CCSER1: variants seen among roughly 807,000 people sequenced by gnomAD.
The protein encoded by CCSER1 is serine-rich coiled-coil domain-containing protein 1.
Under a neutral mutation model 82.0 loss-of-function variants are expected in CCSER1, and 41 were observed. That is an observed-to-expected ratio of 0.50 (90% CI 0.39 to 0.65). CCSER1 has a LOEUF of 0.65. Ranked by LOEUF, CCSER1 falls within the 30% of genes least tolerant of loss-of-function variation. CCSER1 has a pLI of 0.00. For synonymous variants in CCSER1, 414 were observed against 383.9 expected (o/e 1.08, Z -0.92); for missense variants, 1,119 against 1,064.2 (o/e 1.05, Z -0.72).
At chr4:91,176,976 T>G (rs1230454877) in intron 10 of CCSER1, among the ~76,000 whole-genome samples, 2 of 152,208 alleles carry the variant, frequency 1.3e-5, no homozygotes, top group Non-Finnish European at 2.9e-5. Context: ...TAGCTCTTAT[T>G]ATTTTGAGAT....
intron 6 of CCSER1, among the ~76,000 whole-genome samples, chr4:90,701,606 C>T (rs1208420930): frequency 6.6e-6 from 1 of 152,120 alleles, no homozygotes; most frequent in African/African-American, 2.4e-5. Flanking sequence ...ATTGATTCTT[C>T]CTACCCATGA....
At chr4:90,707,240 CTGT>C (rs1349230710) in intron 6 of CCSER1, among the ~76,000 whole-genome samples, 3 of 151,670 alleles carry the variant, frequency 2.0e-5, no homozygotes, top group African/African-American at 7.3e-5. Flanking sequence ...GCTCCTTGAA[CTGT>C]TTTTTTTTTC....
At chr4:91,145,687 T>C (rs1376243938) in intron 10 of CCSER1, among the ~76,000 whole-genome samples, 6 of 152,170 alleles carry the variant, frequency 3.9e-5, no homozygotes, top group Non-Finnish European at 1.5e-5. Context: ...CTGACAAATA[T>C]TTTATTTCTC....
intron 10 of CCSER1, among the ~76,000 whole-genome samples, chr4:91,215,121 A>G (rs1199852760): frequency 6.6e-6 from 1 of 152,160 alleles, no homozygotes; most frequent in Non-Finnish European, 1.5e-5. Context: ...AGTAGATGCC[A>G]TTTATTATGA....
intron 10 of CCSER1, among the ~76,000 whole-genome samples, chr4:91,537,844 C>T (rs1434789511): frequency 6.6e-6 from 1 of 151,490 alleles, no homozygotes; most frequent in Non-Finnish European, 1.5e-5. Context: ...TTCATCCTAT[C>T]AAATTAAAAA....
intron 9 of CCSER1, among the ~76,000 whole-genome samples, chr4:90,981,481 A>G (rs1225585204): frequency 1.3e-5 from 2 of 151,844 alleles, no homozygotes; most frequent in East Asian, 3.9e-4. Context: ...TTAATCCCCA[A>G]AGCAACCATA....
At chr4:90,447,722 A>G (rs1423900357) in intron 4 of CCSER1, among the ~76,000 whole-genome samples, 1 of 152,188 alleles carries the variant, frequency 6.6e-6, no homozygotes, top group Non-Finnish European at 1.5e-5. Context: ...AAAATACCCA[A>G]GTCAAAACAA....
rs757842702 is a variant in CCSER1, at chr4:91,166,176, T to C, written c.2217+80182T>C. 1.1e-4 allele frequency among the ~76,000 whole-genome samples: 16 copies of C among 152,278 alleles called. No homozygotes were observed. The South Asian group carries it at 1.2e-3, about 12-fold the overall frequency. On this transcript the variant is annotated intron_variant, in intron 10 of 10. Coordinates refer to ENST00000509176, the MANE Select transcript of CCSER1 (RefSeq NM_001145065.2). The stretch of plus-strand genomic sequence containing the variant: ...TAATAATTAAATGTAATAATGAAAT[T>C]TGGTTGTATCTAATTGATAAATGAT...
intron 10 of CCSER1, among the ~76,000 whole-genome samples, chr4:91,580,697 C>T (rs1365978615): frequency 6.6e-6 from 1 of 151,432 alleles, no homozygotes; most frequent in Non-Finnish European, 1.5e-5. Flanking sequence ...TATTCTAGAC[C>T]CTCATTTAGG....
intron 5 of CCSER1, among the ~76,000 whole-genome samples, chr4:90,514,221 A>G (rs955224755): frequency 3.3e-5 from 5 of 152,132 alleles, no homozygotes; most frequent in Non-Finnish European, 5.9e-5. Flanking sequence ...TAAGCTCTGG[A>G]TGAATGATTA....
chr4:90,251,694 A>C (rs1722409137), intron 1 of CCSER1, among the ~76,000 whole-genome samples: 1 of 151,702 alleles, frequency 6.6e-6, no homozygotes, highest in African/African-American at 2.4e-5. Context: ...AGGTGTATTT[A>C]GAGTTTTCTA....
intron 1 of CCSER1, among the ~76,000 whole-genome samples, chr4:90,167,764 G>A (rs1355220943): frequency 1.3e-5 from 2 of 152,008 alleles, no homozygotes; most frequent in East Asian, 3.9e-4. Context: ...TGAGAATGAT[G>A]GTTTCCAGCT....
At chr4:90,752,186 A>G (rs1286487817) in intron 7 of CCSER1, among the ~76,000 whole-genome samples, 2 of 152,142 alleles carry the variant, frequency 1.3e-5, no homozygotes, top group South Asian at 2.1e-4. Context: ...CTCATTTCCT[A>G]TGAGGAGAAA....
intron 10 of CCSER1, among the ~76,000 whole-genome samples, chr4:91,573,489 C>T (rs1763290684): frequency 6.6e-6 from 1 of 152,144 alleles, no homozygotes; most frequent in African/African-American, 2.4e-5. Flanking sequence ...CAAGAGTCTG[C>T]ATAGCTCTGT....
intron 10 of CCSER1, among the ~76,000 whole-genome samples, chr4:91,362,778 T>C (rs963882338): frequency 2.0e-5 from 3 of 151,822 alleles, no homozygotes; most frequent in African/African-American, 7.2e-5. Flanking sequence ...AGCTCAAATA[T>C]AACTGTCTTT....
At chr4:90,360,872 G>A (rs1237809974) in intron 3 of CCSER1, among the ~76,000 whole-genome samples, 3 of 152,098 alleles carry the variant, frequency 2.0e-5, no homozygotes, top group African/African-American at 7.2e-5. Flanking sequence ...GACATTTCAA[G>A]CAGTACTCAA....
chr4:91,516,148 T>C (rs1760108986), intron 10 of CCSER1, among the ~76,000 whole-genome samples: 1 of 152,184 alleles, frequency 6.6e-6, no homozygotes, highest in South Asian at 2.1e-4. Flanking sequence ...TTTTTTCCCT[T>C]TCTGTAAGTT....
intron 9 of CCSER1, among the ~76,000 whole-genome samples, chr4:90,996,408 A>G (rs1737499271): frequency 6.6e-6 from 1 of 152,140 alleles, no homozygotes; most frequent in Non-Finnish European, 1.5e-5. Context: ...TAAATAGATA[A>G]TACTTCCATT....
intron 10 of CCSER1, among the ~76,000 whole-genome samples, chr4:91,193,643 G>A (rs1735178745): frequency 1.3e-5 from 2 of 152,160 alleles, no homozygotes; most frequent in South Asian, 4.1e-4. Context: ...AACACTTATT[G>A]TGGTTATTAT....
Sources: gnomAD v4.1 joint callset for allele counts (sites outside exome capture counted in the v4.1 genomes callset) on GRCh38, gnomAD v4.1.1 for gene constraint, MANE v1.5 for transcripts, NCBI Gene and HGNC (gene_info 2026-07-23, HGNC 2026-07-21) for gene names.